Variants in PPARGC1B observed in about 807,000 individuals in gnomAD.
PPARGC1B encodes PPARG coactivator 1 beta.
In PPARGC1B, 34 loss-of-function variants were observed where a neutral mutation model predicts 101.6. The observed-to-expected ratio is 0.33, with a 90% confidence interval of 0.25 to 0.45. The LOEUF is 0.45. Ranked by LOEUF, PPARGC1B falls within the 20% of genes least tolerant of loss-of-function variation. PPARGC1B has a pLI of 1.00. For missense variants in PPARGC1B, 1,234 were observed against 1,317.6 expected (o/e 0.94, Z 0.98); for synonymous variants, 548 against 539.3 (o/e 1.02, Z -0.22).
intron 1 of PPARGC1B, among the ~76,000 whole-genome samples, chr5:149,782,179 G>T (rs1756624077): frequency 6.6e-6 from 1 of 152,096 alleles, no homozygotes; most frequent in Non-Finnish European, 1.5e-5. Context: ...TCGAGTTGTG[G>T]GCTGGGAGAA....
At chr5:149,814,759 G>A (rs1757990666) in intron 1 of PPARGC1B, among the ~76,000 whole-genome samples, 1 of 152,242 alleles carries the variant, frequency 6.6e-6, no homozygotes, top group Admixed American at 6.5e-5. Context: ...AGCCACTTAT[G>A]TGAGTCTGGA....
intron 7 of PPARGC1B, 79 bp from the exon 8 acceptor site, chr5:149,836,184 T>G: frequency 8.0e-7 from 1 of 1,255,668 alleles, no homozygotes; most frequent in Non-Finnish European, 1.1e-6. Context: ...CTACCAGGCT[T>G]GGCCCCAAAC....
chr5:149,848,369 A>AGGCT lies in PPARGC1B; in HGVS notation c.*815_*818dup, dbSNP rs1759653189. 1 of 152,246 alleles carries AGGCT rather than the reference A, an allele frequency of 6.6e-6. No individual in the cohort carries two copies. The highest frequency in any genetic ancestry group is 1.5e-5 in the Non-Finnish European group (1 of 68,094). 9.4% of individuals were successfully genotyped at this position (152,246 alleles called of 1,614,324 possible). A position where few individuals can be genotyped will look rare whatever the true frequency, so the allele number is the denominator to read the frequency against. ...CTGCATCATTCCTGTTTTCCAGGGG[A>AGGCT]GGCTGGCAGCTCCTCAAGAGGCGAA... On this transcript the variant is annotated 3_prime_UTR_variant, in exon 12 of 12. Transcript: ENST00000309241.
intron 10 of PPARGC1B, 102 bp from the exon 11 acceptor site, chr5:149,845,658 A>G: frequency 1.6e-6 from 2 of 1,247,054 alleles, no homozygotes; most frequent in South Asian, 1.5e-5. Flanking sequence ...TGATGTGGGT[A>G]TCGAATCACT....
intron 1 of PPARGC1B, among the ~76,000 whole-genome samples, chr5:149,762,225 T>C (rs7723045): frequency 0.81 from 122,077 of 150,894 alleles, 49,537 homozygotes; most frequent in South Asian, 0.89. Context: ...CTCGGCTCAC[T>C]GCAACCTCTG....
At chr5:149,806,733 G>A (rs1176458943) in intron 1 of PPARGC1B, among the ~76,000 whole-genome samples, 2 of 151,604 alleles carry the variant, frequency 1.3e-5, no homozygotes, top group African/African-American at 2.4e-5. Flanking sequence ...TCAGCCTCTC[G>A]AGTAGCTGGG....
intron 7 of PPARGC1B, 146 bp from the exon 8 acceptor site, chr5:149,836,117 G>T (rs1000265174): frequency 1.5e-6 from 1 of 676,514 alleles, no homozygotes; most frequent in African/African-American, 1.8e-5. Flanking sequence ...TCGAGCTCCT[G>T]GCCTCAAGTA....
At chr5:149,784,513 C>T (rs1024120891) in intron 1 of PPARGC1B, among the ~76,000 whole-genome samples, 1 of 150,978 alleles carries the variant, frequency 6.6e-6, no homozygotes, top group Non-Finnish European at 1.5e-5. Context: ...ATACCTCACC[C>T]TCGTCCCTCC....
rs546361822 is a variant in PPARGC1B at position 149,835,449 on chromosome 5, G to A, written c.1807+84G>A. The A allele has an allele frequency of 7.3e-6, 9 of 1,235,280 alleles. No individual in the cohort carries two copies. In the South Asian group the frequency reaches 9.9e-5, roughly 14 times the overall value. The allele number at this position is 1,235,280 out of a possible 1,614,324, so 76.5% of individuals were successfully genotyped here. A position where few individuals can be genotyped will look rare whatever the true frequency, so the allele number is the denominator to read the frequency against. On this transcript the variant is annotated intron_variant, in intron 7 of 11. Coordinates refer to ENST00000309241, the MANE Select transcript of PPARGC1B (RefSeq NM_133263.4). ...GTTTTTCATCATGCATGGGCAAGGT[G>A]CCACGCAATGAACGATGCGCAAGAT...
chr5:149,758,567 A>G (rs1002786320), intron 1 of PPARGC1B, among the ~76,000 whole-genome samples: 1 of 152,216 alleles, frequency 6.6e-6, no homozygotes, highest in South Asian at 2.1e-4. Context: ...CAGAATCCAC[A>G]TGGAATCTCC....
chr5:149,776,330 C>T (rs2113205911), intron 1 of PPARGC1B, among the ~76,000 whole-genome samples: 1 of 152,278 alleles, frequency 6.6e-6, no homozygotes, highest in South Asian at 2.1e-4. Context: ...AAAAATTCTG[C>T]CTTATGCAGC....
intron 2 of PPARGC1B, among the ~76,000 whole-genome samples, chr5:149,824,080 C>A (rs1180502020): frequency 2.0e-5 from 3 of 152,188 alleles, no homozygotes; most frequent in African/African-American, 7.2e-5. Context: ...AGCCCTGCAT[C>A]AGGGAAAATG....
At chr5:149,794,373 A>T (rs566270378) in intron 1 of PPARGC1B, among the ~76,000 whole-genome samples, 1 of 152,224 alleles carries the variant, frequency 6.6e-6, no homozygotes, top group East Asian at 1.9e-4. Flanking sequence ...GAATATCCAC[A>T]TGAGAGGAAA....
intron 1 of PPARGC1B, among the ~76,000 whole-genome samples, chr5:149,819,743 T>A (rs1157085992): frequency 2.6e-5 from 4 of 152,240 alleles, no homozygotes; most frequent in Admixed American, 2.6e-4. Context: ...CCTCGAATGA[T>A]CCGCCCACCT....
rs535810771 is a variant in PPARGC1B, at chr5:149,762,687, C to G, written c.78+32267C>G. On this transcript the variant is annotated intron_variant, in intron 1 of 11. Coordinates refer to ENST00000309241, the MANE Select transcript of PPARGC1B (RefSeq NM_133263.4). ...TGTGGAAGGCAAGGTGCTCACTGTT[C>G]TGGAGGCAGCCTATTTCATTTGGGG... Among the ~76,000 whole-genome samples the G allele has an allele frequency of 6.6e-5, 10 of 152,320 alleles. No homozygotes were observed. The South Asian group carries it at 2.1e-3, about 32-fold the overall frequency.
rs771936747 is a variant in PPARGC1B, at chr5:149,836,775, G to C, written c.2320G>C (p.Ala774Pro). The C allele has an allele frequency of 4.3e-6, 7 of 1,613,500 alleles. No homozygotes were observed. The highest frequency in any genetic ancestry group is 5.9e-6 in the Non-Finnish European group (7 of 1,180,022). ...LTKHFGLLET[A>P]LEEEDLASCK... is the part of the protein sequence containing the mutation. ...CAAACACTTTGGGCTGCTGGAGACC[G>C]CCCTGGAGGAGGAAGACCTGGCCTC... Residue 774 changes from alanine (A) to proline (P), a missense_variant, in exon 8 of 12, where the codon GCC becomes CCC. Around this residue, in one of 3 missense-constraint regions of PPARGC1B, gnomAD observed 497 missense variants for 529.5 expected, o/e 0.94. Coordinates refer to ENST00000309241, the MANE Select transcript of PPARGC1B (RefSeq NM_133263.4).
rs764845446 is a variant in PPARGC1B at position 149,836,799 on chromosome 5, T to G, written c.2344T>G (p.Ser782Ala). The G allele has an allele frequency of 6.2e-7, 1 of 1,613,532 alleles. No homozygotes were observed. The highest frequency in any genetic ancestry group is 8.5e-7 in the Non-Finnish European group (1 of 1,180,016). Residue 782 changes from serine (S) to alanine (A), a missense_variant, in exon 8 of 12, where the codon TCC becomes GCC. Around this residue, in one of 3 missense-constraint regions of PPARGC1B, gnomAD observed 497 missense variants for 529.5 expected, o/e 0.94. Transcript: ENST00000309241. Reference sequence around the variant, plus strand: ...CGCCCTGGAGGAGGAAGACCTGGCCTCCTGCAAGAGCCCTGAGTATGACAC... The same window carrying G: ...CGCCCTGGAGGAGGAAGACCTGGCCGCCTGCAAGAGCCCTGAGTATGACAC... ...ETALEEEDLASCKSPEYDTVF... is the reference protein window; with the variant it reads ...ETALEEEDLAACKSPEYDTVF...
rs367582831 is a variant in PPARGC1B, at chr5:149,819,167, C to T, written c.79-1266C>T. Reference sequence around the variant, plus strand: ...GTTTCCAGGTGATTCTGGTGCTGCCCGTCTGGGACTACACTTTGAGAACCA... The same window carrying T: ...GTTTCCAGGTGATTCTGGTGCTGCCTGTCTGGGACTACACTTTGAGAACCA... On this transcript the variant is annotated intron_variant, in intron 1 of 11. Coordinates refer to ENST00000309241, the MANE Select transcript of PPARGC1B (RefSeq NM_133263.4). Among the ~76,000 whole-genome samples the T allele has an allele frequency of 1.1e-4, 16 of 152,274 alleles. No homozygotes were observed. In the East Asian group the frequency reaches 1.2e-3, roughly 11 times the overall value.
intron 1 of PPARGC1B, among the ~76,000 whole-genome samples, chr5:149,794,261 G>A (rs1757125592): frequency 6.6e-6 from 1 of 152,096 alleles, no homozygotes; most frequent in African/African-American, 2.4e-5. Flanking sequence ...CCCATGTGTT[G>A]GTGCTTTTAA....
Sources: gnomAD v4.1 joint callset for allele counts (sites outside exome capture counted in the v4.1 genomes callset) on GRCh38, gnomAD v4.1.1 for gene constraint, gnomAD v4.1.1 regional missense constraint, MANE v1.5 for transcripts, NCBI Gene and HGNC (gene_info 2026-07-23, HGNC 2026-07-21) for gene names.